The following CPXM2 variants were observed in gnomAD, a reference collection of about 807,000 sequenced individuals.
The protein encoded by CPXM2 is inactive carboxypeptidase-like protein X2.
CPXM2 carries 66 observed loss-of-function variants against 86.1 expected under a neutral mutation model. That is an observed-to-expected ratio of 0.77 (90% CI 0.63 to 0.94). CPXM2 has a LOEUF of 0.94. Ranked by LOEUF, CPXM2 falls within the 40% of genes least tolerant of loss-of-function variation. The pLI is 0.00. For missense variants in CPXM2, 948 were observed against 1,026.3 expected (o/e 0.92, Z 1.04); for synonymous variants, 388 against 400.2 (o/e 0.97, Z 0.36).
At chr10:123,834,617 G>A (rs73366718) in intron 4 of CPXM2, among the ~76,000 whole-genome samples, 14,089 of 152,182 alleles carry the variant, frequency 0.093, 1,663 homozygotes, top group African/African-American at 0.28. Context: ...TGCCATGAGC[G>A]AAGGGAATGA....
intron 6 of CPXM2, among the ~76,000 whole-genome samples, chr10:123,795,384 C>T (rs1361478182): frequency 1.3e-5 from 2 of 152,216 alleles, no homozygotes; most frequent in South Asian, 2.1e-4. Context: ...CCGCCCCCAC[C>T]GGAGAGTTCA....
intron 4 of CPXM2, among the ~76,000 whole-genome samples, chr10:123,820,995 T>C (rs1216448254): frequency 2.0e-5 from 3 of 152,212 alleles, no homozygotes; most frequent in African/African-American, 7.2e-5. Context: ...AGAGGATTTC[T>C]GCCTACAACA....
chr10:123,851,498 G>T (rs773458173), intron 3 of CPXM2, among the ~76,000 whole-genome samples: 1 of 152,122 alleles, frequency 6.6e-6, no homozygotes, highest in Non-Finnish European at 1.5e-5. Flanking sequence ...GACCAGGCAC[G>T]GTGGCTCATG....
rs78801389 is a variant in CPXM2, at chr10:123,756,016, C to T, written c.1917+1197G>A. On this transcript the variant is annotated intron_variant, in intron 12 of 13. Transcript: ENST00000241305. Reference sequence around the variant, plus strand: ...ACCCTTCTGTGCCAGAGCAGCTCACCGGGGGCTGGGTATCCCAAGACCATC... The same window carrying T: ...ACCCTTCTGTGCCAGAGCAGCTCACTGGGGGCTGGGTATCCCAAGACCATC... 3.7e-3 allele frequency among the ~76,000 whole-genome samples: 556 copies of T among 152,284 alleles called. 1 individual carries two copies. The highest frequency in any genetic ancestry group is 6.9e-3 in the Non-Finnish European group (472 of 68,022).
chr10:123,761,910 C>A lies in CPXM2; in HGVS notation c.1739G>T (p.Gly580Val). The change falls in exon 11 of 14, where the codon GGC becomes GTC. Residue 580 changes from glycine (G) to valine (V), a missense_variant. Transcript: ENST00000241305. The part of the protein sequence containing the change: ...CHTEDFQKEE[G>V]TVNGASWHTV... Reference sequence around the variant, plus strand: ...GTGCCAGGAGGCCCCATTGACAGTGCCCTCCTCCTTCTGGAAGTCCTCCGT... The same window carrying A: ...GTGCCAGGAGGCCCCATTGACAGTGACCTCCTCCTTCTGGAAGTCCTCCGT... The A allele has an allele frequency of 6.2e-7, 1 of 1,613,806 alleles. No homozygotes were observed. Among genetic ancestry groups the A allele is most frequent in the Non-Finnish European group, 8.5e-7 (1 of 1,179,878 alleles).
chr10:123,825,132 G>A (rs1383784148), intron 4 of CPXM2, among the ~76,000 whole-genome samples: 7 of 152,200 alleles, frequency 4.6e-5, no homozygotes, highest in South Asian at 2.1e-4. Flanking sequence ...AATTCTGAAT[G>A]AGCCTCATAC....
chr10:123,766,382 T>G (rs1846472335), intron 10 of CPXM2, among the ~76,000 whole-genome samples: 1 of 152,126 alleles, frequency 6.6e-6, no homozygotes, highest in Non-Finnish European at 1.5e-5. Context: ...AACTTATATA[T>G]CAACAAAGGT....
intron 4 of CPXM2, among the ~76,000 whole-genome samples, chr10:123,824,905 C>A (rs1051600583): frequency 6.6e-6 from 1 of 152,220 alleles, no homozygotes; most frequent in Non-Finnish European, 1.5e-5. Flanking sequence ...AACTGACTGC[C>A]ATTTTGCCAC....
chr10:123,864,240 G>C (rs1375701684), intron 2 of CPXM2, among the ~76,000 whole-genome samples: 1 of 151,964 alleles, frequency 6.6e-6, no homozygotes, highest in Non-Finnish European at 1.5e-5. Flanking sequence ...CGCCCACCGA[G>C]AGACCCCACC....
chr10:123,795,402 A>G (rs776649624), intron 6 of CPXM2, among the ~76,000 whole-genome samples: 28 of 152,202 alleles, frequency 1.8e-4, no homozygotes, highest in Non-Finnish European at 3.8e-4. Context: ...TCACAGGAAG[A>G]TAGTGAGGGA....
chr10:123,771,208 T>A (rs1846621563), intron 7 of CPXM2, among the ~76,000 whole-genome samples, 169 bp from the exon 8 acceptor site: 1 of 152,082 alleles, frequency 6.6e-6, no homozygotes, highest in African/African-American at 2.4e-5. Context: ...TCTCCTTACA[T>A]CCCTCTGCCC....
In CPXM2 at chr10:123,771,059, A is replaced by G. The variant is rs537030843; in HGVS notation, c.979-20T>C. The G allele has an allele frequency of 1.2e-6, 2 of 1,609,968 alleles. No homozygotes were observed. The highest frequency in any genetic ancestry group is 2.2e-5 in the East Asian group (1 of 44,850). On this transcript the variant is annotated intron_variant, in intron 7 of 13. Transcript: ENST00000241305. ...CATCAACTGAAAAACAAGGTGAATCAAAAACTCTAAGCATTGATGACGATG... is the reference window on the plus strand; with the variant it reads ...CATCAACTGAAAAACAAGGTGAATCGAAAACTCTAAGCATTGATGACGATG...
At chr10:123,750,037 C>G (rs1846042517) in intron 13 of CPXM2, 1 of 555,534 alleles carries the variant, frequency 1.8e-6, no homozygotes, top group Admixed American at 8.2e-5. Flanking sequence ...CCAGGCTGGT[C>G]TTGAACTCCT....
At chr10:123,827,616 T>C (rs911053133) in intron 4 of CPXM2, among the ~76,000 whole-genome samples, 20 of 152,218 alleles carry the variant, frequency 1.3e-4, no homozygotes, top group African/African-American at 4.6e-4. Flanking sequence ...TTTGGAAGAT[T>C]CAACATGGTA....
At chr10:123,884,526 T>A (rs1173896644) in intron 1 of CPXM2, among the ~76,000 whole-genome samples, 1 of 152,196 alleles carries the variant, frequency 6.6e-6, no homozygotes, top group Non-Finnish European at 1.5e-5. Flanking sequence ...AGGGATTCAG[T>A]GGGTCCTGAA....
rs149753704 is a variant in CPXM2 at position 123,746,804 on chromosome 10, C to T, written c.2231G>A (p.Arg744Gln). Residue 744 changes from arginine to glutamine, a missense_variant, in exon 14 of 14, where the codon CGG (arginine) becomes CAG (glutamine). Physicochemically the swap from Arg to Gln is conservative, Grantham distance 43. Transcript: ENST00000241305. ...TCTCTTCTGCCCCCGCAGCTTCAGCCGCCTGGCTGGCAGGCTGACGGGCTG... is the reference window on the plus strand; with the variant it reads ...TCTCTTCTGCCCCCGCAGCTTCAGCTGCCTGGCTGGCAGGCTGACGGGCTG... ...GKQPVSLPAR[R>Q]LKLRGQKRRQ... The T allele has an allele frequency of 3.5e-5, 57 of 1,614,228 alleles. No homozygotes were observed. In the East Asian group the frequency reaches 5.1e-4, roughly 15 times the overall value.
chr10:123,798,253 G>GA (rs11356678), intron 5 of CPXM2, 127 bp from the exon 6 acceptor site: 11,947 of 374,086 alleles, frequency 0.032, 1 homozygote, highest in East Asian at 0.039. Context: ...GCATTGAAAA[G>GA]AAAAAAAAAA....
Position 123,933,674 on chromosome 10 carries a change from C to T in CPXM2, n.174+5803G>A, listed in dbSNP as rs187488162. On this transcript the variant is annotated intron_variant and non_coding_transcript_variant, in intron 2 of 19. Coordinates refer to the CPXM2 transcript ENST00000368854. ...CAGAGGTTGCAGTGAGCTGAGATCA[C>T]GCCACTGCACTCCAGCCTGGGCAAC... is the stretch of plus-strand genomic sequence containing the variant. 1.4e-3 allele frequency among the ~76,000 whole-genome samples: 216 copies of T among 151,998 alleles called. 1 individual carries two copies. The highest frequency in any genetic ancestry group is 4.8e-3 in the African/African-American group (197 of 41,438).
intron 4 of CPXM2, among the ~76,000 whole-genome samples, chr10:123,816,002 G>T (rs1167794866): frequency 2.6e-5 from 4 of 152,096 alleles, no homozygotes; most frequent in Non-Finnish European, 5.9e-5. Flanking sequence ...TATTTGCTTG[G>T]TTAGCTGAAA....
Sources: gnomAD v4.1 joint callset for allele counts (sites outside exome capture counted in the v4.1 genomes callset) on GRCh38, gnomAD v4.1.1 for gene constraint, MANE v1.5 for transcripts, NCBI Gene and HGNC (gene_info 2026-07-23, HGNC 2026-07-21) for gene names.